The following BMP6 variants were observed in gnomAD, a reference collection of about 807,000 sequenced individuals.
The protein encoded by BMP6 is bone morphogenetic protein 6.
A neutral mutation model predicts 54.1 loss-of-function variants in BMP6; 17 were observed. The ratio of observed to expected loss-of-function variants is 0.31; its 90% CI spans 0.22 to 0.47. The LOEUF (loss-of-function observed/expected upper bound fraction) is 0.47. Ranked by LOEUF, BMP6 falls within the 20% of genes least tolerant of loss-of-function variation. BMP6 has a pLI of 1.00. For synonymous variants in BMP6, 328 were observed against 291.2 expected (o/e 1.13, Z -1.28); for missense variants, 720 against 690.4 (o/e 1.04, Z -0.48).
At chr6:7,787,473 C>T (rs1358518311) in intron 1 of BMP6, among the ~76,000 whole-genome samples, 1 of 152,188 alleles carries the variant, frequency 6.6e-6, no homozygotes, top group Non-Finnish European at 1.5e-5. Flanking sequence ...TTTTCCCATT[C>T]ATGTACTTTT....
intron 4 of BMP6, among the ~76,000 whole-genome samples, chr6:7,869,245 C>T (rs1287886816): frequency 6.6e-6 from 1 of 152,252 alleles, no homozygotes; most frequent in Non-Finnish European, 1.5e-5. Context: ...TACCTATGGG[C>T]CTCTCCTGGC....
At chr6:7,802,642 A>T (rs929005198) in intron 1 of BMP6, among the ~76,000 whole-genome samples, 1 of 152,130 alleles carries the variant, frequency 6.6e-6, no homozygotes. Flanking sequence ...ATGAGGAGGG[A>T]TGGGTGCTGC....
chr6:7,736,666 A>G (rs1004749930), intron 1 of BMP6, among the ~76,000 whole-genome samples: 2 of 152,252 alleles, frequency 1.3e-5, no homozygotes, highest in Non-Finnish European at 2.9e-5. Flanking sequence ...ATGAGAATAC[A>G]ATAATGGAGA....
At chr6:7,811,779 A>G (rs1196170809) in intron 1 of BMP6, among the ~76,000 whole-genome samples, 1 of 152,142 alleles carries the variant, frequency 6.6e-6, no homozygotes, top group African/African-American at 2.4e-5. Flanking sequence ...CCTTCGTTAA[A>G]CTTCCAGTTA....
At chr6:7,856,923 T>C (rs1255584757) in intron 2 of BMP6, among the ~76,000 whole-genome samples, 1 of 152,194 alleles carries the variant, frequency 6.6e-6, no homozygotes, top group African/African-American at 2.4e-5. Flanking sequence ...TCAAAATGGT[T>C]AGTAGTAAAC....
intron 1 of BMP6, among the ~76,000 whole-genome samples, chr6:7,810,496 T>G (rs1355278524): frequency 6.6e-6 from 1 of 152,160 alleles, no homozygotes; most frequent in African/African-American, 2.4e-5. Flanking sequence ...CTGCGTGCAT[T>G]AAACTCTTAC....
intron 1 of BMP6, among the ~76,000 whole-genome samples, chr6:7,788,426 G>A (rs1206419882): frequency 6.6e-6 from 1 of 152,128 alleles, no homozygotes; most frequent in Non-Finnish European, 1.5e-5. Flanking sequence ...TACACAATGG[G>A]GAAAATGACT....
intron 1 of BMP6, among the ~76,000 whole-genome samples, chr6:7,749,148 G>A (rs939561485): frequency 1.3e-5 from 2 of 152,212 alleles, no homozygotes; most frequent in Non-Finnish European, 2.9e-5. Context: ...CTCCACCGGG[G>A]AGGGGTGGAG....
intron 1 of BMP6, among the ~76,000 whole-genome samples, chr6:7,778,144 T>C (rs181589160): frequency 6.6e-6 from 1 of 152,298 alleles, no homozygotes; most frequent in Admixed American, 6.5e-5. Flanking sequence ...TAGGAAACTT[T>C]GTAGGGAGAG....
At chr6:7,848,404 C>T (rs976725842) in intron 2 of BMP6, among the ~76,000 whole-genome samples, 8 of 152,162 alleles carry the variant, frequency 5.3e-5, no homozygotes, top group African/African-American at 1.2e-4. Flanking sequence ...CAGCAGACCA[C>T]GAGATACCAC....
intron 1 of BMP6, among the ~76,000 whole-genome samples, chr6:7,739,507 C>G (rs1762010451): frequency 6.6e-6 from 1 of 152,098 alleles, no homozygotes; most frequent in African/African-American, 2.4e-5. Context: ...AATACTTACA[C>G]TTTTACAGCT....
chr6:7,794,149 A>C (rs1007388037), intron 1 of BMP6, among the ~76,000 whole-genome samples: 2 of 152,000 alleles, frequency 1.3e-5, no homozygotes, highest in African/African-American at 4.8e-5. Flanking sequence ...TGTGTCTGGG[A>C]AGGAGTGGAG....
chr6:7,737,292 G>T (rs1761969746), intron 1 of BMP6, among the ~76,000 whole-genome samples: 1 of 152,154 alleles, frequency 6.6e-6, no homozygotes, highest in African/African-American at 2.4e-5. Flanking sequence ...ATACTTCTCT[G>T]TGGGAGGATA....
At chr6:7,778,034 C>A (rs939221394) in intron 1 of BMP6, among the ~76,000 whole-genome samples, 21 of 152,118 alleles carry the variant, frequency 1.4e-4, no homozygotes, top group Non-Finnish European at 2.6e-4. Flanking sequence ...TGGTTACATA[C>A]TCCCAGGCAG....
At chr6:7,865,826 A>G (rs1759412732) in intron 4 of BMP6, among the ~76,000 whole-genome samples, 1 of 152,170 alleles carries the variant, frequency 6.6e-6, no homozygotes, top group South Asian at 2.1e-4. Context: ...ATAGTTCTCC[A>G]CCAAAACAAC....
At chr6:7,789,151 G>A (rs1258108095) in intron 1 of BMP6, among the ~76,000 whole-genome samples, 2 of 152,212 alleles carry the variant, frequency 1.3e-5, no homozygotes, top group Admixed American at 1.3e-4. Flanking sequence ...TTCAGAACTC[G>A]TTCATCTCGC....
intron 1 of BMP6, among the ~76,000 whole-genome samples, chr6:7,795,367 A>G (rs1758176966): frequency 6.6e-6 from 1 of 152,174 alleles, no homozygotes; most frequent in Non-Finnish European, 1.5e-5. Context: ...GCCTGGGAAG[A>G]TGATCTAGAG....
Position 7,880,211 on chromosome 6 carries a change from C to T in BMP6, c.1410C>T (p.Pro470=), listed in dbSNP as rs373896379. ...IVQTLVHLMN[P]EYVPKPCCAP... ...TGGAACAGGTTCACCTTATGAACCC[C>T]GAGTATGTCCCCAAACCGTGCTGTG... The change falls in exon 7 of 7, where the codon CCC becomes CCT. Residue 470 remains proline (P), a synonymous_variant. Transcript: ENST00000283147. The T allele has an allele frequency of 2.2e-5, 35 of 1,614,006 alleles. No individual in the cohort carries two copies. Among genetic ancestry groups the T allele is most frequent in the Middle Eastern group, 1.6e-4 (1 of 6,084 alleles).
intron 2 of BMP6, among the ~76,000 whole-genome samples, chr6:7,856,925 G>C (rs979281339): frequency 1.2e-4 from 18 of 152,168 alleles, no homozygotes; most frequent in African/African-American, 4.3e-4. Flanking sequence ...AAAATGGTTA[G>C]TAGTAAACAC....
Sources: allele counts gnomAD v4.1 joint callset (sites outside exome capture counted in the v4.1 genomes callset), GRCh38; gene constraint gnomAD v4.1.1; transcripts MANE v1.5; gene names NCBI Gene and HGNC (gene_info 2026-07-23, HGNC 2026-07-21).